ADGRG4: variants seen among roughly 807,000 people sequenced by gnomAD.
ADGRG4 encodes the protein G protein-coupled receptor 112.
Under a neutral mutation model 126.2 loss-of-function variants are expected in ADGRG4, and 122 were observed. The observed-to-expected ratio is 0.97, with a 90% CI of 0.83 to 1.12. ADGRG4 has a LOEUF of 1.12. Among genes scored for constraint, ADGRG4 ranks in the 50% most tolerant of loss-of-function variants. ADGRG4 has a pLI of 0.00. For missense variants in ADGRG4, 2,481 were observed against 2,251.8 expected, an observed-to-expected ratio of 1.10 and a Z score of -2.06; for synonymous variants, 943 against 838.7, an observed-to-expected ratio of 1.12 and a Z score of -2.15.
chrX:136,382,634 A>G (rs923142704), intron 15 of ADGRG4, among the ~76,000 whole-genome samples: 12 of 111,605 alleles, frequency 1.1e-4, no homozygotes, highest in Non-Finnish European at 1.5e-4. Flanking sequence ...CATTGACCTT[A>G]ATCACAGGGC....
intron 13 of ADGRG4, among the ~76,000 whole-genome samples, chrX:136,363,839 C>T (rs913498800): frequency 1.5e-4 from 17 of 111,175 alleles, no homozygotes; most frequent in African/African-American, 3.6e-4. Context: ...GATGGAGTTT[C>T]GCTCTTGTTG....
At position 136,392,267 on chromosome X, in the gene ADGRG4, T is replaced by C. The variant is rs1198866112; in HGVS notation, c.7947T>C (p.Val2649=). ...KNVTKALTTY[V]VSASISDDMF... ...TCACTAAAGCATTAACCACCTATGT[T>C]GTGAGTGCCAGCATTTCAGATGATA... Residue 2649 remains valine (V), a synonymous_variant, in exon 17 of 26, where the codon GTT becomes GTC. Coordinates refer to ENST00000394143, the MANE Select transcript of ADGRG4 (RefSeq NM_153834.4). 8.7e-7 allele frequency: 1 copy of C among 1,152,446 alleles called. No homozygotes were observed. Among genetic ancestry groups the C allele is most frequent in the Non-Finnish European group, 1.2e-6 (1 of 866,882 alleles). The allele number at this position is 1,152,446 out of a possible 1,213,427, so 95.0% of individuals were successfully genotyped here. A position where few individuals can be genotyped will look rare whatever the true frequency, so the allele number is the denominator to read the frequency against.
Position 136,348,865 on chromosome X carries a change from G to A in ADGRG4, c.5159G>A (p.Gly1720Glu), listed in dbSNP as rs1209235770. 8.3e-7 allele frequency: 1 copy of A among 1,208,437 alleles called. No individual in the cohort carries two copies. The highest frequency in any genetic ancestry group is 2.2e-5 in the Admixed American group (1 of 45,692). Reference sequence around the variant, plus strand: ...GCTACAACTTTGGGCATATTATCTGGGATTACTAACAGGTCCCTATCTACT... The same window carrying A: ...GCTACAACTTTGGGCATATTATCTGAGATTACTAACAGGTCCCTATCTACT... The part of the protein sequence containing the change: ...DEATTLGILS[G>E]ITNRSLSTVN... The change falls in exon 6 of 26, where the codon GGG (glycine) becomes GAG (glutamate). Residue 1720 changes from glycine to glutamate, a missense_variant. Coordinates refer to ENST00000394143, the MANE Select transcript of ADGRG4 (RefSeq NM_153834.4).
chrX:136,369,969 A>G (rs2075183148), intron 13 of ADGRG4, among the ~76,000 whole-genome samples: 1 of 111,574 alleles, frequency 9.0e-6, no homozygotes, highest in Admixed American at 9.6e-5. Flanking sequence ...GGAAAAAAAA[A>G]GAGAATAAAG....
At chrX:136,415,139 A>G (rs1192847199) in intron 25 of ADGRG4, among the ~76,000 whole-genome samples, 1 of 112,015 alleles carries the variant, frequency 8.9e-6, no homozygotes, top group African/African-American at 3.2e-5. Context: ...AGTATACTCC[A>G]GTTCACACAC....
intron 15 of ADGRG4, among the ~76,000 whole-genome samples, chrX:136,383,576 G>A (rs2075274625): frequency 9.0e-6 from 1 of 111,189 alleles, no homozygotes; most frequent in Non-Finnish European, 1.9e-5. Flanking sequence ...TATAGTTTGT[G>A]TTTTATTTTT....
chrX:136,319,903 A>C (rs887834622), intron 4 of ADGRG4, among the ~76,000 whole-genome samples: 1 of 111,914 alleles, frequency 8.9e-6, no homozygotes, highest in African/African-American at 3.2e-5. Context: ...AATATGCTGA[A>C]ATAAGTAACA....
In ADGRG4 at chrX:136,371,389, T is replaced by C. The variant is rs1343039742; in HGVS notation, c.7458T>C (p.Gly2486=). 4 of 1,198,634 alleles carry C rather than the reference T, an allele frequency of 3.3e-6. No individual in the cohort carries two copies. The highest frequency in any genetic ancestry group is 4.5e-6 in the Non-Finnish European group (4 of 885,877). The change falls in exon 14 of 26, where the codon GGT becomes GGC. Residue 2486 remains glycine (G), a synonymous_variant. Transcript: ENST00000394143. Reference sequence around the variant, plus strand: ...TGATAAATGAATCCCCAGCCCTGGGTAAAGAAGAGACAAAGATTATTGTTT... The same window carrying C: ...TGATAAATGAATCCCCAGCCCTGGGCAAAGAAGAGACAAAGATTATTGTTT... ...LNLINESPAL[G]KEETKIIVSK...
chrX:136,400,527 T>C lies in ADGRG4; in HGVS notation c.8575+411T>C, dbSNP rs1337416779. On this transcript the variant is annotated intron_variant, in intron 21 of 25. Coordinates refer to ENST00000394143, the MANE Select transcript of ADGRG4 (RefSeq NM_153834.4). ...ATCTCCACGGGATAGATTCCATCAT[T>C]ATTCCCATTTAATAGATGAGGAGAC... 8.0e-5 allele frequency among the ~76,000 whole-genome samples: 9 copies of C among 112,232 alleles called. No individual in the cohort carries two copies. In the Admixed American group the frequency reaches 8.5e-4, roughly 11 times the overall value.
At chrX:136,396,405 T>A (rs200587612) in intron 19 of ADGRG4, among the ~76,000 whole-genome samples, 1,930 of 101,668 alleles carry the variant, frequency 0.019, 27 homozygotes, top group African/African-American at 0.044. Context: ...ATATATATAT[T>A]TTTTTTTTGA....
intron 3 of ADGRG4, among the ~76,000 whole-genome samples, chrX:136,307,428 T>C (rs772482965): frequency 8.9e-6 from 1 of 112,692 alleles, no homozygotes; most frequent in South Asian, 3.7e-4. Context: ...CATTTCATTT[T>C]GCAAGTCATG....
rs760564190 is a variant in ADGRG4 at position 136,352,866 on chromosome X, T to C, written c.6823-471T>C. Among the ~76,000 whole-genome samples the C allele has an allele frequency of 3.6e-5, 4 of 112,332 alleles. No individual in the cohort carries two copies. The East Asian group carries it at 1.1e-3, about 32-fold the overall frequency. On this transcript the variant is annotated intron_variant, in intron 7 of 25. Coordinates refer to ENST00000394143, the MANE Select transcript of ADGRG4 (RefSeq NM_153834.4). ...TGGCTTAAACAACAGATGTTTATTT[T>C]CTCACAGTTCTGGAATCTGGAAGTC... is the stretch of plus-strand genomic sequence containing the variant.
chrX:136,338,913 C>T (rs2074963565), intron 5 of ADGRG4, among the ~76,000 whole-genome samples: 1 of 111,738 alleles, frequency 8.9e-6, no homozygotes, highest in South Asian at 3.8e-4. Flanking sequence ...CCAAATACAA[C>T]TTAATTTTTA....
At chrX:136,389,561 G>A (rs1034782370) in intron 16 of ADGRG4, among the ~76,000 whole-genome samples, 1 of 111,991 alleles carries the variant, frequency 8.9e-6, no homozygotes, top group African/African-American at 3.2e-5. Context: ...ATTCAGAGTT[G>A]AAAGGGCCCT....
intron 5 of ADGRG4, among the ~76,000 whole-genome samples, chrX:136,333,549 G>C (rs1230933956): frequency 9.0e-6 from 1 of 111,263 alleles, no homozygotes; most frequent in Non-Finnish European, 1.9e-5. Context: ...ACTGAGTCTT[G>C]CTCTGTTGCC....
At chrX:136,373,132 C>G (rs2075204940) in intron 15 of ADGRG4, 68 bp downstream of exon 15, 2 of 992,959 alleles carry the variant, frequency 2.0e-6, no homozygotes, top group Non-Finnish European at 2.7e-6. Flanking sequence ...TTCATTTACT[C>G]CTTGGGAGAG....
Position 136,308,816 on chromosome X carries a change from G to C in ADGRG4, c.39G>C (p.Leu13Phe). ...TCATATATCAGAAGCTTTATGGATT[G>C]ATTCTCATGTCGAGTTTTATCTTTC... is the stretch of plus-strand genomic sequence containing the variant. ...EHIIYQKLYG[L>F]ILMSSFIFLS... The change falls in exon 4 of 26, where the codon TTG (leucine) becomes TTC (phenylalanine). Residue 13 changes from leucine to phenylalanine, a missense_variant. By Grantham distance (22) the Leu-to-Phe change is conservative. Transcript: ENST00000394143. 8.5e-7 allele frequency: 1 copy of C among 1,170,841 alleles called. No homozygotes were observed. Among genetic ancestry groups the C allele is most frequent in the Non-Finnish European group, 1.2e-6 (1 of 859,001 alleles).
intron 5 of ADGRG4, among the ~76,000 whole-genome samples, chrX:136,335,142 A>G (rs917247761): frequency 9.0e-6 from 1 of 111,040 alleles, no homozygotes; most frequent in African/African-American, 3.3e-5. Flanking sequence ...CAGTTGATAT[A>G]ATTTTTCTTC....
chrX:136,383,307 T>C (rs1427886562), intron 15 of ADGRG4, among the ~76,000 whole-genome samples: 2 of 111,942 alleles, frequency 1.8e-5, no homozygotes, highest in Non-Finnish European at 1.9e-5. Context: ...TTGCTTTGTT[T>C]ATTTTGGGGC....
Sources: allele counts gnomAD v4.1 joint callset (sites outside exome capture counted in the v4.1 genomes callset), GRCh38; gene constraint gnomAD v4.1.1; transcripts MANE v1.5; gene names NCBI Gene and HGNC (gene_info 2026-07-23, HGNC 2026-07-21).